The following FOXP1 variants were observed in gnomAD, a reference collection of about 807,000 sequenced individuals.
FOXP1 encodes the protein forkhead box P1, also known as forkhead box protein P1.
A neutral mutation model predicts 98.2 loss-of-function variants in FOXP1; 15 were observed. The observed-to-expected ratio is 0.15, with a 90% CI of 0.10 to 0.24. The LOEUF (loss-of-function observed/expected upper bound fraction) is 0.24, where lower values mean the gene tolerates loss of function less well. FOXP1 is among the 10% of genes least tolerant of loss of function. The pLI, the probability that FOXP1 is intolerant of heterozygous loss-of-function variation, is 1.00. For synonymous variants in FOXP1, 371 were observed against 314.5 expected (o/e 1.18, Z -1.90); for missense variants, 633 against 848.5 (o/e 0.75, Z 3.15).
chr3:71,064,059 T>C (rs2051969455), intron 7 of FOXP1, among the ~76,000 whole-genome samples: 1 of 152,180 alleles, frequency 6.6e-6, no homozygotes, highest in South Asian at 2.1e-4. Flanking sequence ...CTCAGTCTGC[T>C]GCACGTCCAA....
rs180796753 is a variant in FOXP1 at position 70,957,357 on chromosome 3, G to C, written c.*1890C>G. ...TATCTACTTGGTCTTCTAAATTTACGATGAAGGAGCAGTTCTCTTTCTCAG... is the reference window on the plus strand; with the variant it reads ...TATCTACTTGGTCTTCTAAATTTACCATGAAGGAGCAGTTCTCTTTCTCAG... On this transcript the variant is annotated 3_prime_UTR_variant, in exon 21 of 21. Coordinates refer to ENST00000649528, the MANE Select transcript of FOXP1 (RefSeq NM_001349338.3). 4.4e-6 allele frequency: 1 copy of C among 228,574 alleles called. No homozygotes were observed. Among genetic ancestry groups the C allele is most frequent in the Non-Finnish European group, 8.7e-6 (1 of 115,042 alleles). 14.2% of individuals were successfully genotyped at this position (228,574 alleles called of 1,614,324 possible).
chr3:71,056,618 A>G (rs1199211957), intron 7 of FOXP1, among the ~76,000 whole-genome samples: 1 of 152,198 alleles, frequency 6.6e-6, no homozygotes, highest in African/African-American at 2.4e-5. Context: ...GATGGCCTTA[A>G]CTTCGCTTTT....
intron 13 of FOXP1, among the ~76,000 whole-genome samples, chr3:70,999,928 G>A (rs2041900102): frequency 6.6e-6 from 1 of 151,854 alleles, no homozygotes; most frequent in Non-Finnish European, 1.5e-5. Flanking sequence ...TCCCCTAGTC[G>A]GCTAACCTCT....
At chr3:71,562,114 C>T (rs985326925) in intron 2 of FOXP1, among the ~76,000 whole-genome samples, 6 of 152,168 alleles carry the variant, frequency 3.9e-5, no homozygotes, top group Non-Finnish European at 8.8e-5. Context: ...TTCTATCCTC[C>T]GAGCTGTCAA....
intron 3 of FOXP1, among the ~76,000 whole-genome samples, chr3:71,477,633 A>C (rs1329010993): frequency 6.6e-6 from 1 of 152,244 alleles, no homozygotes; most frequent in Non-Finnish European, 1.5e-5. Flanking sequence ...TTCTCTTATG[A>C]TGTTGAGCCT....
At chr3:71,393,263 A>G (rs891613912) in intron 3 of FOXP1, among the ~76,000 whole-genome samples, 1 of 152,120 alleles carries the variant, frequency 6.6e-6, no homozygotes, top group African/African-American at 2.4e-5. Flanking sequence ...TTCATGACAC[A>G]TATTCAGAAA....
At chr3:70,984,287 T>C (rs545611204) in intron 14 of FOXP1, among the ~76,000 whole-genome samples, 38 of 152,286 alleles carry the variant, frequency 2.5e-4, no homozygotes, top group African/African-American at 9.1e-4. Flanking sequence ...TACTCACCAA[T>C]CAGAGGGACC....
intron 6 of FOXP1, among the ~76,000 whole-genome samples, chr3:71,149,504 C>A (rs548142669): frequency 3.3e-5 from 5 of 152,052 alleles, no homozygotes; most frequent in East Asian, 1.9e-4. Flanking sequence ...CTACAGAAGG[C>A]CCAATGAAAT....
At chr3:71,070,662 C>T (rs1358636639) in intron 7 of FOXP1, among the ~76,000 whole-genome samples, 3 of 152,164 alleles carry the variant, frequency 2.0e-5, no homozygotes, top group Admixed American at 1.3e-4. Context: ...CCTCCGCGCA[C>T]GTGTGGGCCA....
chr3:71,476,813 G>A (rs1304154196), intron 3 of FOXP1, among the ~76,000 whole-genome samples: 2 of 151,820 alleles, frequency 1.3e-5, no homozygotes, highest in Non-Finnish European at 2.9e-5. Flanking sequence ...CGCATTGATG[G>A]TTTTCTTTAA....
Position 71,017,730 on chromosome 3 carries a change from T to C in FOXP1, c.870-2077A>G, listed in dbSNP as rs536852391. Among the ~76,000 whole-genome samples the C allele has an allele frequency of 2.6e-5, 4 of 152,306 alleles. No individual in the cohort carries two copies. The South Asian group carries it at 8.3e-4, about 32-fold the overall frequency. On this transcript the variant is annotated intron_variant, in intron 11 of 20. Coordinates refer to ENST00000649528, the MANE Select transcript of FOXP1 (RefSeq NM_001349338.3). ...CTCTATTTTGGACATTGAGTTTCTCTTCATGTTTGTTATATTTGTAGATAA... is the reference window on the plus strand; with the variant it reads ...CTCTATTTTGGACATTGAGTTTCTCCTCATGTTTGTTATATTTGTAGATAA...
chr3:70,986,762 G>A (rs898390261), intron 14 of FOXP1, among the ~76,000 whole-genome samples: 2 of 151,888 alleles, frequency 1.3e-5, no homozygotes, highest in Non-Finnish European at 2.9e-5. Flanking sequence ...AATAATACAC[G>A]GAAACTAAGG....
intron 7 of FOXP1, among the ~76,000 whole-genome samples, chr3:71,098,820 C>A (rs1318194876): frequency 1.3e-5 from 2 of 152,120 alleles, no homozygotes; most frequent in African/African-American, 4.8e-5. Context: ...AAAAGAAAGA[C>A]CAGGATGGAA....
Position 71,013,725 on chromosome 3 carries a change from C to T in FOXP1, c.974+1824G>A, listed in dbSNP as rs13067472. Among the ~76,000 whole-genome samples, 230 of 152,286 alleles carry T rather than the reference C, an allele frequency of 1.5e-3. 2 individuals are homozygous for T. The highest frequency in any genetic ancestry group is 2.0e-3 in the Non-Finnish European group (135 of 68,006). ...TAAGCAAAAAGAACAAAGCTGGAGGCATCACACTACCTGACTTCAAACTAT... is the reference window on the plus strand; with the variant it reads ...TAAGCAAAAAGAACAAAGCTGGAGGTATCACACTACCTGACTTCAAACTAT... On this transcript the variant is annotated intron_variant, in intron 12 of 20. Transcript: ENST00000649528.
At position 71,229,326 on chromosome 3, in the gene FOXP1, T is replaced by C. The variant is rs547640138; in HGVS notation, c.-11-30934A>G. Among the ~76,000 whole-genome samples the C allele has an allele frequency of 1.3e-4, 20 of 152,278 alleles. No homozygotes were observed. In the South Asian group the frequency reaches 2.5e-3, roughly 19 times the overall value. ...TACCAGAACTTTTTAATTTAAAAAA[T>C]AGCCTAATCATTAACACAGAAATCA... On this transcript the variant is annotated intron_variant, in intron 5 of 20. Coordinates refer to ENST00000649528, the MANE Select transcript of FOXP1 (RefSeq NM_001349338.3).
At chr3:71,153,168 G>GGT (rs1187029198) in intron 6 of FOXP1, among the ~76,000 whole-genome samples, 1 of 152,164 alleles carries the variant, frequency 6.6e-6, no homozygotes, top group Non-Finnish European at 1.5e-5. Context: ...TGCGGCACTT[G>GGT]GTGAAGGCGC....
intron 6 of FOXP1, among the ~76,000 whole-genome samples, chr3:71,196,016 T>C (rs1298946039): frequency 6.6e-6 from 1 of 152,010 alleles, no homozygotes; most frequent in African/African-American, 2.4e-5. Context: ...CTTAGGGGAG[T>C]TGAACAGCTG....
chr3:71,420,193 G>A (rs1428017365), intron 3 of FOXP1, among the ~76,000 whole-genome samples: 1 of 152,068 alleles, frequency 6.6e-6, no homozygotes, highest in African/African-American at 2.4e-5. Context: ...TATGAAAAAT[G>A]TTAAAATAAC....
chr3:71,549,097 C>A (rs764147556), intron 2 of FOXP1, among the ~76,000 whole-genome samples: 1 of 152,092 alleles, frequency 6.6e-6, no homozygotes, highest in Non-Finnish European at 1.5e-5. Context: ...CTGCTAAGGG[C>A]CCACCAGTTG....
Sources: gnomAD v4.1 joint callset for allele counts (sites outside exome capture counted in the v4.1 genomes callset) on GRCh38, gnomAD v4.1.1 for gene constraint, MANE v1.5 for transcripts, NCBI Gene and HGNC (gene_info 2026-07-23, HGNC 2026-07-21) for gene names.